FSIP2: variants seen among roughly 807,000 people sequenced by gnomAD.
FSIP2 encodes fibrous sheath-interacting protein 2.
A neutral mutation model predicts 510.5 loss-of-function variants in FSIP2; 367 were observed. The ratio of observed to expected loss-of-function variants is 0.72; its 90% CI spans 0.66 to 0.78. FSIP2 has a LOEUF of 0.78. FSIP2 is among the 30% of genes least tolerant of loss of function. FSIP2 has a pLI of 0.00. For synonymous variants in FSIP2, 2,601 were observed against 2,732.2 expected (o/e 0.95, Z 1.50); for missense variants, 7,594 against 7,901.7 (o/e 0.96, Z 1.48).
At position 185,814,173 on chromosome 2, in the gene FSIP2, A is replaced by T. The variant is rs923465812; in HGVS notation, c.20325+131A>T. 21 of 906,976 alleles carry T rather than the reference A, an allele frequency of 2.3e-5. No homozygotes were observed. In the Middle Eastern group the frequency reaches 6.8e-4, roughly 29 times the overall value. The allele number at this position is 906,976 out of a possible 1,614,324, so 56.2% of individuals were successfully genotyped here. ...CAATCTCAAGCCTGGTGATATTTAC[A>T]GGATAAGGGAAATTATTACCAGGTA... is the stretch of plus-strand genomic sequence containing the variant. On this transcript the variant is annotated intron_variant, in intron 18 of 22. Transcript: ENST00000424728.
intron 7 of FSIP2, among the ~76,000 whole-genome samples, chr2:185,748,971 C>T (rs1404993524): frequency 6.6e-6 from 1 of 151,932 alleles, no homozygotes; most frequent in Non-Finnish European, 1.5e-5. Context: ...AGATTTTGCT[C>T]TTAATATCTT....
rs77937204 is a variant in FSIP2, at chr2:185,794,457, C to A, written c.7321C>A (p.Gln2441Lys). The change falls in exon 16 of 23, where the codon CAA becomes AAA. Residue 2441 changes from glutamine to lysine, a missense_variant. Physicochemically the swap from Gln to Lys is moderately conservative, Grantham distance 53 (BLOSUM62 1). Transcript: ENST00000424728. ...GHKEKERSTK[Q>K]SLFTKYPLEQ... ...CAAAGAGAAGGAAAGAAGTACCAAA[C>A]AATCTCTATTTACAAAGTATCCATT... 0.089 allele frequency: 134,926 copies of A among 1,508,520 alleles called. 6,979 individuals carry two copies. The highest frequency in any genetic ancestry group is 0.15 in the Middle Eastern group (865 of 5,806). The allele number at this position is 1,508,520 out of a possible 1,614,324, so 93.4% of individuals were successfully genotyped here. A position where few individuals can be genotyped will look rare whatever the true frequency, so the allele number is the denominator to read the frequency against.
At chr2:185,765,883 G>C (rs1692463858) in intron 13 of FSIP2, 1 of 150,664 alleles carries the variant, frequency 6.6e-6, no homozygotes, top group East Asian at 2.0e-4. Flanking sequence ...TGGATTCCTA[G>C]GTATTTTATT....
Position 185,797,244 on chromosome 2 carries a change from G to C in FSIP2, c.10108G>C (p.Val3370Leu). ...FISKQSSLSE[V>L]SGGQKDNEKS... ...ATCAAAACAAAGCTCTTTATCTGAA[G>C]TATCTGGAGGGCAAAAGGATAACGA... Residue 3370 changes from valine to leucine, a missense_variant, in exon 16 of 23, where the codon GTA becomes CTA. By Grantham distance (32) the Val-to-Leu change is conservative. Coordinates refer to ENST00000424728, the MANE Select transcript of FSIP2 (RefSeq NM_173651.4). 1 of 1,534,934 alleles carries C rather than the reference G, an allele frequency of 6.5e-7. No homozygotes were observed. The highest frequency in any genetic ancestry group is 8.7e-7 in the Non-Finnish European group (1 of 1,146,222).
intron 8 of FSIP2, among the ~76,000 whole-genome samples, chr2:185,754,220 A>G (rs1038547907): frequency 1.3e-5 from 2 of 151,492 alleles, no homozygotes; most frequent in Admixed American, 6.6e-5. Context: ...AGGAAAAAAA[A>G]GAAGGAAGAA....
chr2:185,791,744 A>G lies in FSIP2; in HGVS notation c.4608A>G (p.Ile1536Met), dbSNP rs1425544069. Residue 1536 changes from isoleucine to methionine, a missense_variant, in exon 16 of 23, where the codon ATA becomes ATG. Ile to Met is a conservative substitution (Grantham distance 10, BLOSUM62 1). Transcript: ENST00000424728. ...AGAAAATGGCCAAATCCACCAAAAT[A>G]ATCTCCAGCATAGTTTCCAGAAGGG... is the stretch of plus-strand genomic sequence containing the variant. ...IIEKMAKSTK[I>M]ISSIVSRRVQ... is the part of the protein sequence containing the mutation. 1.3e-6 allele frequency: 2 copies of G among 1,534,658 alleles called. No individual in the cohort carries two copies.
chr2:185,830,236 A>C (rs1694083152), intron 21 of FSIP2, among the ~76,000 whole-genome samples: 1 of 151,910 alleles, frequency 6.6e-6, no homozygotes, highest in Non-Finnish European at 1.5e-5. Flanking sequence ...AAATGACTCA[A>C]CATACAAAGA....
At chr2:185,751,669 G>T (rs1692151405) in intron 7 of FSIP2, among the ~76,000 whole-genome samples, 1 of 150,744 alleles carries the variant, frequency 6.6e-6, no homozygotes, top group East Asian at 1.9e-4. Flanking sequence ...TTCATTTTCT[G>T]CCTTTTTCTT....
Position 185,766,498 on chromosome 2 carries a change from G to T in FSIP2, c.1411+1933G>T, listed in dbSNP as rs866509148. ...AAAAAACAAACAACCCCATCAAAAA[G>T]TGGGTGAAGGACATGAACAGACACT... is the stretch of plus-strand genomic sequence containing the variant. On this transcript the variant is annotated intron_variant, in intron 13 of 22. Coordinates refer to ENST00000424728, the MANE Select transcript of FSIP2 (RefSeq NM_173651.4). The T allele has an allele frequency of 6.6e-3, 983 of 148,052 alleles. 12 individuals carry two copies. The highest frequency in any genetic ancestry group is 0.022 in the African/African-American group (898 of 40,500). The allele number at this position is 148,052 out of a possible 1,614,324, so 9.2% of individuals were successfully genotyped here. A position where few individuals can be genotyped will look rare whatever the true frequency, so the allele number is the denominator to read the frequency against.
chr2:185,824,527 A>C, intron 20 of FSIP2, 47 bp downstream of exon 20: 1 of 1,104,996 alleles, frequency 9.0e-7, no homozygotes, highest in South Asian at 1.4e-5. Flanking sequence ...TACTACTTTG[A>C]TGTGTTTTTT....
Position 185,800,778 on chromosome 2 carries a change from G to A in FSIP2, c.11472G>A (p.Glu3824=). 2 of 1,534,164 alleles carry A rather than the reference G, an allele frequency of 1.3e-6. No homozygotes were observed. Among genetic ancestry groups the A allele is most frequent in the East Asian group, 2.5e-5 (1 of 40,816 alleles). The part of the protein sequence containing the change: ...LQVDYMSDLL[E]NVAEIDQDLL... ...TAGATTACATGTCAGACCTTTTGGA[G>A]AATGTGGCAGAAATTGATCAAGACT... The change falls in exon 17 of 23, where the codon GAG becomes GAA. Residue 3824 remains glutamate (E), a synonymous_variant. Coordinates refer to ENST00000424728, the MANE Select transcript of FSIP2 (RefSeq NM_173651.4).
chr2:185,752,609 G>A (rs549167772), intron 7 of FSIP2, among the ~76,000 whole-genome samples: 1 of 151,146 alleles, frequency 6.6e-6, no homozygotes. Flanking sequence ...TCTATTAATG[G>A]ATGTGCCATT....
chr2:185,826,020 G>A (rs1694007703), intron 20 of FSIP2, among the ~76,000 whole-genome samples: 1 of 151,774 alleles, frequency 6.6e-6, no homozygotes, highest in Non-Finnish European at 1.5e-5. Context: ...ACTTACCATT[G>A]TGTTAGAGTT....
chr2:185,738,483 T>G, upstream of FSIP2: 2 of 905,440 alleles, frequency 2.2e-6, no homozygotes, highest in Non-Finnish European at 3.3e-6. Context: ...GGGGAAGATG[T>G]AGAATGGGCA....
At position 185,833,217 on chromosome 2, in the gene FSIP2, T is replaced by A; in HGVS notation, c.20715T>A (p.Asp6905Glu). 6.2e-7 allele frequency: 1 copy of A among 1,607,372 alleles called. No individual in the cohort carries two copies. The highest frequency in any genetic ancestry group is 8.5e-7 in the Non-Finnish European group (1 of 1,177,148). The change falls in exon 23 of 23, where the codon GAT becomes GAA. Residue 6905 changes from aspartate (D) to glutamate (E), a missense_variant. Asp to Glu is a conservative substitution (Grantham distance 45). Coordinates refer to ENST00000424728, the MANE Select transcript of FSIP2 (RefSeq NM_173651.4). ...ISRSSSPAHQ[D>E]EH The stretch of plus-strand genomic sequence containing the variant: ...GATCTTCCTCACCAGCTCACCAGGA[T>A]GAACACTGAAGCTTTTGTACCTGAT...
Position 185,795,827 on chromosome 2 carries a change from T to G in FSIP2, c.8691T>G (p.Asn2897Lys). The G allele has an allele frequency of 6.5e-7, 1 of 1,534,050 alleles. No homozygotes were observed. The change falls in exon 16 of 23, where the codon AAT becomes AAG. Residue 2897 changes from asparagine (N) to lysine (K), a missense_variant. Coordinates refer to ENST00000424728, the MANE Select transcript of FSIP2 (RefSeq NM_173651.4). ...AGAATTGTGAAAGCAGGTTTTATAA[T>G]CATTTTAAAGGAGCTTCTACTAGAG... The part of the protein sequence containing the change: ...PLENCESRFY[N>K]HFKGASTRAE...
chr2:185,739,533 G>A, intron 2 of FSIP2, 62 bp downstream of exon 2: 1 of 1,336,302 alleles, frequency 7.5e-7, no homozygotes. Flanking sequence ...TTAACTCAAA[G>A]GCTGCATCAT....
chr2:185,749,625 T>A (rs992556618), intron 7 of FSIP2, among the ~76,000 whole-genome samples: 11 of 151,758 alleles, frequency 7.2e-5, no homozygotes, highest in African/African-American at 2.7e-4. Flanking sequence ...TTCCTTTAAT[T>A]TTTTTTTCTT....
chr2:185,768,297 T>C (rs1692537629), intron 13 of FSIP2, among the ~76,000 whole-genome samples: 1 of 152,160 alleles, frequency 6.6e-6, no homozygotes, highest in African/African-American at 2.4e-5. Flanking sequence ...ATTTTTGCTT[T>C]TATTGCCTGT....
Sources: gnomAD v4.1 joint callset for allele counts (sites outside exome capture counted in the v4.1 genomes callset) on GRCh38, gnomAD v4.1.1 for gene constraint, MANE v1.5 for transcripts, NCBI Gene and HGNC (gene_info 2026-07-23, HGNC 2026-07-21) for gene names.